The following NAALADL1 variants were observed in gnomAD, a reference collection of about 807,000 sequenced individuals.
NAALADL1 encodes aminopeptidase NAALADL1.
A neutral mutation model predicts 82.8 loss-of-function variants in NAALADL1; 77 were observed. The observed-to-expected ratio is 0.93, with a 90% CI of 0.77 to 1.12. The LOEUF is 1.12. NAALADL1 is among the 50% of genes most tolerant of loss of function. NAALADL1 has a pLI of 0.00. For missense variants in NAALADL1, 956 were observed against 964.0 expected (o/e 0.99, Z 0.11); for synonymous variants, 358 against 399.2 (o/e 0.90, Z 1.23).
At chr11:65,047,849 G>T in intron 11 of NAALADL1, 111 bp from the exon 12 acceptor site, 2 of 1,466,124 alleles carry the variant, frequency 1.4e-6, no homozygotes. Context: ...TACGAGGCTT[G>T]CCCCAGCCTC....
Position 65,048,021 on chromosome 11 carries a change from G to A in NAALADL1, c.1376C>T (p.Thr459Met), listed in dbSNP as rs1185060079. 1 of 1,613,684 alleles carries A rather than the reference G, an allele frequency of 6.2e-7. No homozygotes were observed. The highest frequency in any genetic ancestry group is 8.5e-7 in the Non-Finnish European group (1 of 1,179,908). Residue 459 changes from threonine (T) to methionine (M), a missense_variant, in exon 11 of 18, where the codon ACG (threonine) becomes ATG (methionine). By Grantham distance (81) the Thr-to-Met change is moderately conservative. Coordinates refer to ENST00000358658, the MANE Select transcript of NAALADL1 (RefSeq NM_005468.3). ...FANATLRVQG[T>M]PPVQSVVFSA... Reference sequence around the variant, plus strand: ...GAAGACGACGCTCTGGACAGGGGGCGTCCCCTGCACCCTAAGGGTAGCGTT... The same window carrying A: ...GAAGACGACGCTCTGGACAGGGGGCATCCCCTGCACCCTAAGGGTAGCGTT...
At position 65,054,487 on chromosome 11, in the gene NAALADL1, G is replaced by A; in HGVS notation, c.855C>T (p.Pro285=). The A allele has an allele frequency of 6.2e-7, 1 of 1,614,100 alleles. No homozygotes were observed. ...GGTCTCTTGCATCCTGGAAGCCAAT[G>A]GGCTGTGTAGGAATTGGGGGAAATC... is the stretch of plus-strand genomic sequence containing the variant. The part of the protein sequence containing the change: ...VSGFPPIPTQ[P]IGFQDARDLL... Residue 285 remains proline, a synonymous_variant, in exon 5 of 18, where the codon CCC becomes CCT. Coordinates refer to ENST00000358658, the MANE Select transcript of NAALADL1 (RefSeq NM_005468.3). The surrounding 1 kb of genome is among the most constrained non-coding windows in gnomAD (Gnocchi z 4.3).
In NAALADL1 at chr11:65,045,139, G is replaced by C; in HGVS notation, c.*132C>G. On this transcript the variant is annotated 3_prime_UTR_variant, in exon 18 of 18. Transcript: ENST00000358658. ...TTGCCACTCCCCTCAGGGACCTCAA[G>C]CTGTTGCCTGAGAAGCTTGAGAGGG... is the stretch of plus-strand genomic sequence containing the variant. The C allele has an allele frequency of 9.8e-7, 1 of 1,022,890 alleles. No individual in the cohort carries two copies. Among genetic ancestry groups the C allele is most frequent in the South Asian group, 1.7e-5 (1 of 58,916 alleles). The allele number at this position is 1,022,890 out of a possible 1,614,324, so 63.4% of individuals were successfully genotyped here.
At chr11:65,059,615 C>T (rs3759041), upstream of NAALADL1, among the ~76,000 whole-genome samples, 47,464 of 152,078 alleles carry the variant, frequency 0.31, 7,932 homozygotes, top group East Asian at 0.69. Context: ...GCCTGGACTC[C>T]GTCATCCACC....
chr11:65,055,981 G>C (rs192165435), intron 4 of NAALADL1, among the ~76,000 whole-genome samples: 1 of 151,128 alleles, frequency 6.6e-6, no homozygotes, highest in Admixed American at 6.6e-5. Flanking sequence ...TGCCTCCTGG[G>C]TTCAAGTGAT....
In NAALADL1 at chr11:65,050,207, G is replaced by A. The variant is rs138812913; in HGVS notation, c.1199-1822C>T. ...ATTTAAAAGTTGTGGGGGCTGGCGC[G>A]GTGACTCACGCCTGTAATCCCAGCA... On this transcript the variant is annotated intron_variant, in intron 8 of 17. Transcript: ENST00000358658. 8.4e-3 allele frequency among the ~76,000 whole-genome samples: 1,283 copies of A among 151,972 alleles called. 16 individuals are homozygous for A. Among genetic ancestry groups the A allele is most frequent in the African/African-American group, 0.029 (1,217 of 41,528 alleles).
chr11:65,057,293 C>T, intron 4 of NAALADL1, 78 bp downstream of exon 4: 1 of 1,511,824 alleles, frequency 6.6e-7, no homozygotes, highest in Non-Finnish European at 8.8e-7. Context: ...TTCTCCTTCC[C>T]CTTCCCCTCA....
intron 4 of NAALADL1, among the ~76,000 whole-genome samples, chr11:65,056,931 G>A: frequency 6.6e-6 from 1 of 152,138 alleles, no homozygotes; most frequent in East Asian, 1.9e-4. Context: ...TGGCCAGGCT[G>A]GCCTTGATCT....
intron 11 of NAALADL1, 88 bp from the exon 12 acceptor site, chr11:65,047,826 G>A: frequency 6.7e-7 from 1 of 1,484,662 alleles, no homozygotes; most frequent in South Asian, 1.2e-5. Context: ...CTGCCCACCC[G>A]TGGTCCAGTC....
chr11:65,045,532 G>T, intron 17 of NAALADL1, 75 bp from the exon 18 acceptor site: 1 of 1,442,184 alleles, frequency 6.9e-7, no homozygotes, highest in Non-Finnish European at 9.3e-7. Flanking sequence ...CCTAGAACTG[G>T]CTCAGCTCCT....
chr11:65,057,286 T>C, intron 4 of NAALADL1, 85 bp downstream of exon 4: 4 of 1,501,710 alleles, frequency 2.7e-6, no homozygotes, highest in Non-Finnish European at 3.5e-6. Context: ...CTGCCTCTTC[T>C]CCTTCCCCTT....
intron 13 of NAALADL1, 95 bp downstream of exon 13, chr11:65,047,380 G>A: frequency 9.7e-7 from 1 of 1,032,724 alleles, no homozygotes; most frequent in South Asian, 1.6e-5. Flanking sequence ...AATGAGTAAA[G>A]GTGCAGGGTT....
chr11:65,045,279 C>T lies in NAALADL1; in HGVS notation c.2215G>A (p.Asp739Asn), dbSNP rs1425367525. 4 of 1,604,604 alleles carry T rather than the reference C, an allele frequency of 2.5e-6. No individual in the cohort carries two copies. The highest frequency in any genetic ancestry group is 2.7e-5 in the African/African-American group (2 of 74,740). ...GAAATLRPVA[D>N]L ...AAGAAAGAGGGCTGGGGTCAGAGGT[C>T]AGCCACAGGCCTCAGGGTGGCTGCC... The change falls in exon 18 of 18, where the codon GAC becomes AAC. Residue 739 changes from aspartate (D) to asparagine (N), a missense_variant. Coordinates refer to ENST00000358658, the MANE Select transcript of NAALADL1 (RefSeq NM_005468.3).
upstream of NAALADL1, among the ~76,000 whole-genome samples, chr11:65,060,361 C>T (rs1238092683): frequency 2.0e-5 from 3 of 152,056 alleles, no homozygotes; most frequent in Non-Finnish European, 4.4e-5. Context: ...ACGTGATTAT[C>T]GACGCCCAGA....
intron 8 of NAALADL1, among the ~76,000 whole-genome samples, chr11:65,049,377 A>T (rs1188230486): frequency 2.0e-5 from 3 of 152,186 alleles, no homozygotes; most frequent in Admixed American, 6.5e-5. Flanking sequence ...CATTTTTACA[A>T]TTTTTTCTGC....
intron 11 of NAALADL1, 71 bp downstream of exon 11, chr11:65,047,910 C>CCAT: frequency 7.4e-7 from 1 of 1,358,314 alleles, no homozygotes; most frequent in Non-Finnish European, 1.0e-6. Flanking sequence ...CCCGCCCACC[C>CCAT]GTAGCGGCCC....
intron 4 of NAALADL1, 90 bp downstream of exon 4, chr11:65,057,280 CT>C (rs1947064823): frequency 6.7e-7 from 1 of 1,489,820 alleles, no homozygotes; most frequent in Admixed American, 2.3e-5. Flanking sequence ...TCAACACTGC[CT>C]CTTCTCCTTC....
Position 65,054,739 on chromosome 11 carries a change from C to T in NAALADL1, c.604-1G>A. ...CCCCGTGCTTGGCAGCGTTCACAGC[C>T]TGCAGTGGGCAGAGGAGGCTGTGTG... is the stretch of plus-strand genomic sequence containing the variant. On this transcript the variant is annotated splice_acceptor_variant, in intron 4 of 17. Coordinates refer to ENST00000358658, the MANE Select transcript of NAALADL1 (RefSeq NM_005468.3). LOFTEE classifies it high-confidence loss of function. The surrounding 1 kb of genome is among the most constrained non-coding windows in gnomAD (Gnocchi z 4.3). 2 of 1,612,656 alleles carry T rather than the reference C, an allele frequency of 1.2e-6. No individual in the cohort carries two copies. The highest frequency in any genetic ancestry group is 1.7e-6 in the Non-Finnish European group (2 of 1,179,328).
Position 65,054,158 on chromosome 11 carries a change from A to C in NAALADL1, c.992+92T>G. 1.8e-6 allele frequency: 2 copies of C among 1,130,198 alleles called. No homozygotes were observed. Among genetic ancestry groups the C allele is most frequent in the Non-Finnish European group, 2.6e-6 (2 of 769,798 alleles). The allele number at this position is 1,130,198 out of a possible 1,614,324, so 70.0% of individuals were successfully genotyped here. ...GGAAAGGGAAAAAGGTCAGGCTTTG[A>C]AGTGGAAAGAGGGAACATCATCACA... On this transcript the variant is annotated intron_variant, in intron 6 of 17. Coordinates refer to ENST00000358658, the MANE Select transcript of NAALADL1 (RefSeq NM_005468.3). This position sits in a 1 kb window ranked among gnomAD's most constrained non-coding sequence, Gnocchi z 4.3.
Sources: allele counts gnomAD v4.1 joint callset (sites outside exome capture counted in the v4.1 genomes callset), GRCh38; gene constraint gnomAD v4.1.1; non-coding constraint Gnocchi (gnomAD v3.1); transcripts MANE v1.5; gene names NCBI Gene and HGNC (gene_info 2026-07-23, HGNC 2026-07-21).